Variants in CFH observed in about 807,000 individuals in gnomAD.
CFH encodes the protein complement factor H, also known as H factor 1 (complement).
Under a neutral mutation model 147.3 loss-of-function variants are expected in CFH, and 53 were observed. The ratio of observed to expected loss-of-function variants is 0.36; its 90% confidence interval spans 0.29 to 0.45. CFH has a LOEUF of 0.45. CFH is among the 20% of genes least tolerant of loss of function. CFH has a pLI of 1.00. For missense variants in CFH, 1,380 were observed against 1,498.0 expected (o/e 0.92, Z 1.30); for synonymous variants, 536 against 489.4 (o/e 1.10, Z -1.26).
At chr1:196,687,424 C>T (rs975260130) in intron 7 of CFH, among the ~76,000 whole-genome samples, 12 of 151,432 alleles carry the variant, frequency 7.9e-5, no homozygotes, top group African/African-American at 2.9e-4. Context: ...ATAGCTCGAG[C>T]CTGTGGTAAT....
chr1:196,673,078 C>T lies in CFH; in HGVS notation c.159C>T (p.Arg53=), dbSNP rs781144436. 1.2e-6 allele frequency: 2 copies of T among 1,613,924 alleles called. No individual in the cohort carries two copies. The highest frequency in any genetic ancestry group is 2.2e-5 in the South Asian group (2 of 91,082). ...GCACCCAGGCTATCTATAAATGCCGCCCTGGATATAGATCTCTTGGAAATG... is the reference window on the plus strand; with the variant it reads ...GCACCCAGGCTATCTATAAATGCCGTCCTGGATATAGATCTCTTGGAAATG... ...PEGTQAIYKC[R]PGYRSLGNVI... is the part of the protein sequence containing the mutation. Residue 53 remains arginine (R), a synonymous_variant, in exon 2 of 22, where the codon CGC becomes CGT. Coordinates refer to ENST00000367429, the MANE Select transcript of CFH (RefSeq NM_000186.4).
chr1:196,690,887 T>A (rs1667999806), intron 9 of CFH, among the ~76,000 whole-genome samples: 2 of 152,204 alleles, frequency 1.3e-5, no homozygotes, highest in South Asian at 4.1e-4. Context: ...CTCCTTACTG[T>A]ACACGTGGCT....
intron 6 of CFH, 102 bp from the exon 7 acceptor site, chr1:196,684,962 C>A: frequency 1.1e-6 from 1 of 896,880 alleles, no homozygotes. Context: ...TTGTATTATG[C>A]TAAGGACAAA....
chr1:196,661,886 GTTTGT>G (rs61521436), intron 1 of CFH, among the ~76,000 whole-genome samples: 21 of 152,036 alleles, frequency 1.4e-4, no homozygotes, highest in African/African-American at 3.4e-4. Flanking sequence ...GTTTTGTTTT[GTTTGT>G]TTTGTTTTGT....
chr1:196,683,269 T>A (rs1164112861), intron 6 of CFH, among the ~76,000 whole-genome samples: 1 of 151,632 alleles, frequency 6.6e-6, no homozygotes, highest in Non-Finnish European at 1.5e-5. Flanking sequence ...ATTACAGAGT[T>A]TTATCTGTTC....
At position 196,673,903 on chromosome 1, in the gene CFH, C is replaced by A; in HGVS notation, c.291C>A (p.Thr97=). The change falls in exon 3 of 22, where the codon ACC becomes ACA. Residue 97 remains threonine, a synonymous_variant. Transcript: ENST00000367429. ...GAGATACTCCTTTTGGTACTTTTACCCTTACAGGAGGAAATGTGTTTGAAT... is the reference window on the plus strand; with the variant it reads ...GAGATACTCCTTTTGGTACTTTTACACTTACAGGAGGAAATGTGTTTGAAT... ...HPGDTPFGTF[T]LTGGNVFEYG... is the part of the protein sequence containing the mutation. 6.2e-7 allele frequency: 1 copy of A among 1,613,310 alleles called. No homozygotes were observed. The highest frequency in any genetic ancestry group is 1.1e-5 in the South Asian group (1 of 91,072).
At chr1:196,670,173 A>G (rs964300349) in intron 1 of CFH, among the ~76,000 whole-genome samples, 4 of 151,820 alleles carry the variant, frequency 2.6e-5, no homozygotes, top group African/African-American at 9.7e-5. Context: ...AAAATGACTA[A>G]TTTTCTTTTG....
Position 196,741,914 on chromosome 1 carries a change from T to A in CFH, c.2996T>A (p.Ile999Lys). The A allele has an allele frequency of 6.2e-7, 1 of 1,614,156 alleles. No individual in the cohort carries two copies. Among genetic ancestry groups the A allele is most frequent in the Non-Finnish European group, 8.5e-7 (1 of 1,179,992 alleles). The change falls in exon 19 of 22, where the codon ATA becomes AAA. Residue 999 changes from isoleucine to lysine, a missense_variant. Ile to Lys is a moderately radical substitution (Grantham distance 102, BLOSUM62 -3). Transcript: ENST00000367429. The part of the protein sequence containing the change: ...CLSLPSFENA[I>K]PMGEKKDVYK... Reference sequence around the variant, plus strand: ...AGTTTACCTAGCTTTGAAAATGCCATACCCATGGGAGAGAAGAAGGATGTG... The same window carrying A: ...AGTTTACCTAGCTTTGAAAATGCCAAACCCATGGGAGAGAAGAAGGATGTG...
intron 9 of CFH, among the ~76,000 whole-genome samples, chr1:196,703,469 G>A (rs1040996703): frequency 6.6e-6 from 1 of 152,146 alleles, no homozygotes; most frequent in Non-Finnish European, 1.5e-5. Context: ...TCCTGACCCA[G>A]ACAACACCCT....
At chr1:196,714,662 TATATATAGAGAGAGAG>T (rs1368560342) in intron 10 of CFH, among the ~76,000 whole-genome samples, 27 of 37,452 alleles carry the variant, frequency 7.2e-4, no homozygotes, top group East Asian at 6.3e-3. Flanking sequence ...TATATATATA[TATATATAGAGAGAGAG>T]AGAGAGAGAG....
intron 7 of CFH, among the ~76,000 whole-genome samples, chr1:196,686,251 G>A (rs1667823184): frequency 6.6e-6 from 1 of 152,072 alleles, no homozygotes; most frequent in Admixed American, 6.6e-5. Flanking sequence ...CTCACACACT[G>A]TTAACTTCAG....
At chr1:196,683,343 G>A (rs1271319311) in intron 6 of CFH, among the ~76,000 whole-genome samples, 1 of 151,806 alleles carries the variant, frequency 6.6e-6, no homozygotes, top group Admixed American at 6.6e-5. Flanking sequence ...GAAATGCAAA[G>A]CATTTCTGAA....
Position 196,740,742 on chromosome 1 carries a change from C to T in CFH, c.2906C>T (p.Ala969Val). 1 of 1,613,902 alleles carries T rather than the reference C, an allele frequency of 6.2e-7. No individual in the cohort carries two copies. The highest frequency in any genetic ancestry group is 8.5e-7 in the Non-Finnish European group (1 of 1,179,942). The change falls in exon 18 of 22, where the codon GCA (alanine) becomes GTA (valine). Residue 969 changes from alanine (A) to valine (V), a missense_variant. Ala to Val is a moderately conservative substitution (Grantham distance 64, BLOSUM62 0). Coordinates refer to ENST00000367429, the MANE Select transcript of CFH (RefSeq NM_000186.4). ...CFEGFGIDGPAIAKCLGEKWS... is the reference protein window; with the variant it reads ...CFEGFGIDGPVIAKCLGEKWS... ...GAAGGTTTTGGAATTGATGGGCCTG[C>T]AATTGCAAAATGCTTAGGAGAAAAA...
chr1:196,737,710 A>G, intron 17 of CFH, 50 bp downstream of exon 17: 1 of 1,490,558 alleles, frequency 6.7e-7, no homozygotes, highest in Non-Finnish European at 9.3e-7. Context: ...AATTCATAAA[A>G]ATAATCTCTT....
At chr1:196,731,542 C>T (rs906314327) in intron 15 of CFH, among the ~76,000 whole-genome samples, 1 of 151,944 alleles carries the variant, frequency 6.6e-6, no homozygotes, top group Non-Finnish European at 1.5e-5. Context: ...ATCACTATTA[C>T]AGTATTAGAG....
rs377203773 is a variant in CFH, at chr1:196,713,708, T to C, written c.1337-27T>C. ...TAAAATGTTATTGATCATATGCTTG[T>C]CTTTTTCTTATTCTCTTCCCTTTTA... On this transcript the variant is annotated intron_variant, in intron 9 of 21. Transcript: ENST00000367429. The C allele has an allele frequency of 2.1e-6, 3 of 1,401,736 alleles. No individual in the cohort carries two copies. The South Asian group carries it at 3.6e-5, about 17-fold the overall frequency. 86.8% of individuals were successfully genotyped at this position (1,401,736 alleles called of 1,614,324 possible).
intron 11 of CFH, among the ~76,000 whole-genome samples, chr1:196,720,368 G>T (rs186384716): frequency 1.3e-5 from 2 of 151,964 alleles, no homozygotes; most frequent in African/African-American, 4.8e-5. Flanking sequence ...TGTACTTTTA[G>T]TGTATTCATC....
At chr1:196,668,251 C>G (rs868787271) in intron 1 of CFH, among the ~76,000 whole-genome samples, 1 of 152,056 alleles carries the variant, frequency 6.6e-6, no homozygotes, top group Admixed American at 6.6e-5. Context: ...TGAGTCTGCT[C>G]TTGTTGAATT....
chr1:196,707,658 A>G (rs956720857), intron 9 of CFH, among the ~76,000 whole-genome samples: 20 of 152,206 alleles, frequency 1.3e-4, no homozygotes, highest in South Asian at 2.1e-4. Context: ...CTATCAAGAA[A>G]TGTAGAGAGG....
Sources: gnomAD v4.1 joint callset for allele counts (sites outside exome capture counted in the v4.1 genomes callset) on GRCh38, gnomAD v4.1.1 for gene constraint, MANE v1.5 for transcripts, NCBI Gene and HGNC (gene_info 2026-07-23, HGNC 2026-07-21) for gene names.